Variants in MTFR1L observed in about 807,000 individuals in gnomAD.
MTFR1L encodes mitochondrial fission regulator 1-like.
In MTFR1L, 10 loss-of-function variants were observed where a neutral mutation model predicts 27.9. That is an observed-to-expected ratio of 0.36 (90% confidence interval 0.22 to 0.61). The LOEUF is 0.61. Among genes scored for constraint, MTFR1L ranks in the 20% least tolerant of loss-of-function variants. The pLI, the probability that MTFR1L is intolerant of heterozygous loss-of-function variation, is 0.73. For missense variants in MTFR1L, 315 were observed against 363.7 expected, an observed-to-expected ratio of 0.87 and a Z score of 1.09; for synonymous variants, 151 against 139.4, an observed-to-expected ratio of 1.08 and a Z score of -0.58.
chr1:25,829,861 A>G (rs761481888), intron 6 of MTFR1L, 31 bp downstream of exon 6: 3 of 1,552,934 alleles, frequency 1.9e-6, no homozygotes, highest in African/African-American at 2.7e-5. Context: ...TCTGGTATCT[A>G]TTTACTCAGA....
intron 1 of MTFR1L, chr1:25,822,753 C>T: frequency 5.3e-6 from 3 of 562,664 alleles, no homozygotes; most frequent in Non-Finnish European, 9.5e-6. Flanking sequence ...GTCTCGCTCT[C>T]CTGACCTCGT....
At chr1:25,820,402 G>GACCTTGGCCC (rs1557439256) in intron 1 of MTFR1L, 1 of 452,100 alleles carries the variant, frequency 2.2e-6, no homozygotes, top group Admixed American at 2.4e-5. Context: ...GCACTTGGCC[G>GACCTTGGCCC]ACCTTGGCCC....
At chr1:25,820,339 C>T (rs2048069885) in intron 1 of MTFR1L, 2 of 455,874 alleles carry the variant, frequency 4.4e-6, no homozygotes, top group East Asian at 7.0e-5. Flanking sequence ...CGGAGGCTTC[C>T]GCGCACTCGG....
Position 25,826,900 on chromosome 1 carries a change from A to G in MTFR1L, c.451+74A>G. On this transcript the variant is annotated intron_variant, in intron 5 of 6. Transcript: ENST00000374303. The surrounding 1 kb of genome is among the most constrained non-coding windows in gnomAD (Gnocchi z 4.1). ...CCTGGCTCTTGGGCAGGATAGGGGT[A>G]AAGAAAGTGGTAATCCTTGGTTTGC... 1 of 1,514,654 alleles carries G rather than the reference A, an allele frequency of 6.6e-7. No individual in the cohort carries two copies. The highest frequency in any genetic ancestry group is 9.0e-7 in the Non-Finnish European group (1 of 1,113,134). The allele number at this position is 1,514,654 out of a possible 1,614,324, so 93.8% of individuals were successfully genotyped here.
At chr1:25,831,541 G>A (rs1057409443) in intron 6 of MTFR1L, among the ~76,000 whole-genome samples, 15 of 152,190 alleles carry the variant, frequency 9.9e-5, no homozygotes, top group African/African-American at 3.4e-4. Flanking sequence ...GACCCTCTGG[G>A]GAAATGCTAC....
chr1:25,829,931 A>ATATGT (rs1204119281), intron 6 of MTFR1L, 101 bp downstream of exon 6: 3 of 1,129,738 alleles, frequency 2.7e-6, no homozygotes, highest in African/African-American at 1.6e-5. Context: ...TAGTAGTACC[A>ATATGT]TATGTTATGT....
intron 3 of MTFR1L, among the ~76,000 whole-genome samples, chr1:25,824,989 A>G (rs913242508): frequency 6.6e-6 from 1 of 152,138 alleles, no homozygotes; most frequent in Admixed American, 6.6e-5. Context: ...GCTGTACTTT[A>G]TATTTGTTTA....
intron 3 of MTFR1L, among the ~76,000 whole-genome samples, chr1:25,824,194 C>T (rs1428484853): frequency 6.6e-6 from 1 of 152,148 alleles, no homozygotes; most frequent in African/African-American, 2.4e-5. Context: ...TTTAGTGTTT[C>T]TCTGAGGCCA....
chr1:25,822,647 C>T (rs182730972), intron 1 of MTFR1L: 1 of 265,320 alleles, frequency 3.8e-6, no homozygotes, highest in East Asian at 8.8e-5. Context: ...CTGCCTCAGC[C>T]TCCCAAGTAG....
chr1:25,822,980 G>A (rs1317994424), intron 1 of MTFR1L, 39 bp from the exon 2 acceptor site: 2 of 1,555,572 alleles, frequency 1.3e-6, no homozygotes, highest in African/African-American at 1.4e-5. Flanking sequence ...CCCACTGTGG[G>A]GGGTTGTTTC....
rs777912511 is a variant in MTFR1L, at chr1:25,823,670, A to T, written c.51A>T (p.Pro17=). ...CCATCCCAATCTGGCAAAACAAGCC[A>T]CATGGGGCTGCTCGAAGTGTAGTAA... ...TVTIPIWQNK[P]HGAARSVVRR... The change falls in exon 3 of 7, where the codon CCA becomes CCT. Residue 17 remains proline (P), a synonymous_variant. Transcript: ENST00000374303. 39 of 1,613,962 alleles carry T rather than the reference A, an allele frequency of 2.4e-5. No individual in the cohort carries two copies. The highest frequency in any genetic ancestry group is 1.6e-4 in the Middle Eastern group (1 of 6,084).
At position 25,829,660 on chromosome 1, in the gene MTFR1L, A is replaced by G. The variant is rs768694382; in HGVS notation, c.603A>G (p.Pro201=). Residue 201 remains proline, a synonymous_variant, in exon 6 of 7, where the codon CCA becomes CCG. Transcript: ENST00000374303. ...CAGAGGTGGAGGTCCCTGAGCTTCC[A>G]TCAGTCCCCCTGCTTTGTTCTGCCA... ...EETEVEVPEL[P]SVPLLCSASP... 8 of 1,614,210 alleles carry G rather than the reference A, an allele frequency of 5.0e-6. No homozygotes were observed. In the East Asian group the frequency reaches 1.8e-4, roughly 36 times the overall value.
chr1:25,822,836 A>T, intron 1 of MTFR1L, 183 bp from the exon 2 acceptor site: 1 of 602,648 alleles, frequency 1.7e-6, no homozygotes. Context: ...GCAGATCTTT[A>T]ACAGAACCTT....
rs1202364948 is a variant in MTFR1L, at chr1:25,826,664, G to A, written c.289G>A (p.Val97Ile). The A allele has an allele frequency of 1.2e-6, 2 of 1,614,194 alleles. No homozygotes were observed. The highest frequency in any genetic ancestry group is 2.2e-5 in the South Asian group (2 of 91,090). The change falls in exon 5 of 7, where the codon GTC (valine) becomes ATC (isoleucine). Residue 97 changes from valine to isoleucine, a missense_variant. Physicochemically the swap from Val to Ile is conservative, Grantham distance 29. Coordinates refer to ENST00000374303, the MANE Select transcript of MTFR1L (RefSeq NM_001099625.2). The surrounding 1 kb of genome is among the most constrained non-coding windows in gnomAD (Gnocchi z 4.1). ...RHTWKPSPLIVMQRNASVPNL... is the reference protein window; with the variant it reads ...RHTWKPSPLIIMQRNASVPNL... The stretch of plus-strand genomic sequence containing the variant: ...CACCTGGAAACCCAGCCCTCTGATT[G>A]TCATGCAGCGCAATGCCTCTGTTCC...
Position 25,826,754 on chromosome 1 carries a change from C to G in MTFR1L, c.379C>G (p.Arg127Gly). The change falls in exon 5 of 7, where the codon CGC (arginine) becomes GGC (glycine). Residue 127 changes from arginine to glycine, a missense_variant. Physicochemically the swap from Arg to Gly is moderately radical, Grantham distance 125. Coordinates refer to ENST00000374303, the MANE Select transcript of MTFR1L (RefSeq NM_001099625.2). This position sits in a 1 kb window ranked among gnomAD's most constrained non-coding sequence, Gnocchi z 4.1. ...LKKPALPALS[R>G]TTELQDELSH... ...GAAGCCAGCTCTGCCAGCCCTAAGC[C>G]GCACTACTGAGCTGCAGGACGAGCT... 2 of 1,614,150 alleles carry G rather than the reference C, an allele frequency of 1.2e-6. No individual in the cohort carries two copies. The highest frequency in any genetic ancestry group is 1.7e-6 in the Non-Finnish European group (2 of 1,180,034).
At chr1:25,825,594 A>G (rs1299555319) in intron 3 of MTFR1L, 1 of 152,172 alleles carries the variant, frequency 6.6e-6, no homozygotes, top group Non-Finnish European at 1.5e-5. Context: ...AATATATTCA[A>G]ATTTTCAGGT....
At chr1:25,830,902 C>A (rs1190481033) in intron 6 of MTFR1L, among the ~76,000 whole-genome samples, 4 of 152,188 alleles carry the variant, frequency 2.6e-5, no homozygotes, top group African/African-American at 7.2e-5. Flanking sequence ...TGGTCATACT[C>A]ACCCATATCT....
intron 3 of MTFR1L, among the ~76,000 whole-genome samples, chr1:25,824,119 T>TC (rs2048136542): frequency 6.6e-6 from 1 of 152,212 alleles, no homozygotes; most frequent in Non-Finnish European, 1.5e-5. Flanking sequence ...CAAGCAGTCC[T>TC]CCTGCCTCAG....
chr1:25,828,813 C>G (rs536135653), intron 5 of MTFR1L, among the ~76,000 whole-genome samples: 1 of 152,248 alleles, frequency 6.6e-6, no homozygotes, highest in East Asian at 1.9e-4. Flanking sequence ...TTTGGTAGGA[C>G]ACATGAAAAT....
Sources: allele counts gnomAD v4.1 joint callset (sites outside exome capture counted in the v4.1 genomes callset), GRCh38; gene constraint gnomAD v4.1.1; non-coding constraint Gnocchi (gnomAD v3.1); transcripts MANE v1.5; gene names NCBI Gene and HGNC (gene_info 2026-07-23, HGNC 2026-07-21).